The following SNX6 variants were observed in gnomAD, a reference collection of about 807,000 sequenced individuals.
SNX6 encodes sorting nexin 6.
SNX6 carries 34 observed loss-of-function variants against 63.0 expected under a neutral mutation model. That is an observed-to-expected ratio of 0.54 (90% CI 0.41 to 0.72). The LOEUF (loss-of-function observed/expected upper bound fraction) is 0.72, where lower values mean the gene tolerates loss of function less well. SNX6 is among the 30% of genes least tolerant of loss of function. The pLI, the probability that SNX6 is intolerant of heterozygous loss-of-function variation, is 0.00. For synonymous variants in SNX6, 170 were observed against 164.2 expected, an observed-to-expected ratio of 1.04 and a Z score of -0.27; for missense variants, 398 against 471.4, an observed-to-expected ratio of 0.84 and a Z score of 1.44.
chr14:34,608,334 T>C (rs1207391060), intron 3 of SNX6, among the ~76,000 whole-genome samples, 194 bp from the exon 4 acceptor site: 1 of 152,012 alleles, frequency 6.6e-6, no homozygotes, highest in Non-Finnish European at 1.5e-5. Context: ...CCTGGCTAAT[T>C]TTATTTTTTG....
chr14:34,608,266 C>T lies in SNX6; in HGVS notation c.160-126G>A, dbSNP rs1883096872. 16 of 514,920 alleles carry T rather than the reference C, an allele frequency of 3.1e-5. No homozygotes were observed. In the East Asian group the frequency reaches 5.3e-4, roughly 17 times the overall value. 31.9% of individuals were successfully genotyped at this position (514,920 alleles called of 1,614,324 possible). On this transcript the variant is annotated intron_variant, in intron 3 of 13. Coordinates refer to ENST00000362031, the MANE Select transcript of SNX6 (RefSeq NM_152233.4). ...AATCTCGGCTCACTGCAGCCTCAAC[C>T]TCCCAGGCTCAAGCAATCCTCCCAC...
At chr14:34,576,853 G>C (rs1256745769) in intron 10 of SNX6, among the ~76,000 whole-genome samples, 1 of 151,564 alleles carries the variant, frequency 6.6e-6, no homozygotes, top group Non-Finnish European at 1.5e-5. Flanking sequence ...GGAGGCCGAG[G>C]CGGGCGGATC....
chr14:34,601,112 G>A (rs935250670), intron 6 of SNX6, among the ~76,000 whole-genome samples: 2 of 151,896 alleles, frequency 1.3e-5, no homozygotes, highest in African/African-American at 2.4e-5. Flanking sequence ...TAATTTACCC[G>A]AATCTGGAAT....
At chr14:34,596,414 T>G (rs1056569360) in intron 7 of SNX6, among the ~76,000 whole-genome samples, 13 of 150,754 alleles carry the variant, frequency 8.6e-5, no homozygotes, top group African/African-American at 2.7e-4. Context: ...AGGTCAAGAG[T>G]TCGAGACCAG....
intron 2 of SNX6, among the ~76,000 whole-genome samples, chr14:34,619,917 G>GC (rs1157937744): frequency 6.6e-6 from 1 of 152,008 alleles, no homozygotes; most frequent in Non-Finnish European, 1.5e-5. Flanking sequence ...TCACTATGCT[G>GC]CCCAAGCTAG....
chr14:34,599,666 C>T (rs903398494), intron 6 of SNX6, among the ~76,000 whole-genome samples: 7 of 149,604 alleles, frequency 4.7e-5, no homozygotes, highest in African/African-American at 1.5e-4. Context: ...CCCAGCTACT[C>T]GGGAGGCTGA....
intron 13 of SNX6, among the ~76,000 whole-genome samples, chr14:34,563,984 C>T (rs1009313905): frequency 6.6e-6 from 1 of 152,072 alleles, no homozygotes; most frequent in African/African-American, 2.4e-5. Flanking sequence ...GGTGATCCGC[C>T]TACCTCAGCC....
chr14:34,578,621 T>A (rs1289430226), intron 10 of SNX6, among the ~76,000 whole-genome samples: 4 of 117,352 alleles, frequency 3.4e-5, no homozygotes, highest in African/African-American at 1.3e-4. Context: ...CAGAGTGAGA[T>A]CTGTCTCAAA....
At chr14:34,569,430 T>G (rs146044166) in intron 11 of SNX6, among the ~76,000 whole-genome samples, 2,547 of 152,096 alleles carry the variant, frequency 0.017, 39 homozygotes, top group Non-Finnish European at 0.023. Context: ...TGTTTTTTTT[T>G]TTTGTTTTTT....
intron 13 of SNX6, among the ~76,000 whole-genome samples, chr14:34,566,539 A>C (rs117190631): frequency 1.0e-3 from 153 of 152,356 alleles, no homozygotes; most frequent in Admixed American, 2.5e-3. Flanking sequence ...TTTATTAAGA[A>C]AGACTTTTTA....
At chr14:34,596,089 G>A (rs920718458) in intron 7 of SNX6, among the ~76,000 whole-genome samples, 2 of 151,724 alleles carry the variant, frequency 1.3e-5, no homozygotes, top group African/African-American at 4.8e-5. Flanking sequence ...GCGTGATGGC[G>A]GGCACCTGTA....
At chr14:34,606,806 G>C (rs1482872083) in intron 4 of SNX6, among the ~76,000 whole-genome samples, 3 of 151,586 alleles carry the variant, frequency 2.0e-5, no homozygotes, top group African/African-American at 7.3e-5. Flanking sequence ...TGAGATGGAG[G>C]CTCGCTCTGT....
intron 1 of SNX6, 36 bp from the exon 2 acceptor site, chr14:34,629,990 G>T: frequency 6.5e-7 from 1 of 1,527,240 alleles, no homozygotes; most frequent in East Asian, 2.5e-5. Flanking sequence ...CCGGGGAAAA[G>T]GATGAGATGG....
chr14:34,593,574 CT>C (rs397852358), intron 7 of SNX6, among the ~76,000 whole-genome samples: 3,404 of 131,626 alleles, frequency 0.026, 46 homozygotes, highest in Middle Eastern at 0.058. Context: ...AATTTCTTTT[CT>C]TTTTTTTTTT....
intron 2 of SNX6, among the ~76,000 whole-genome samples, chr14:34,616,475 T>C (rs1317151022): frequency 6.6e-6 from 1 of 152,094 alleles, no homozygotes; most frequent in Non-Finnish European, 1.5e-5. Context: ...GATCAAGCGA[T>C]CATTCCATCT....
chr14:34,566,893 G>C (rs1293155171), intron 13 of SNX6, among the ~76,000 whole-genome samples: 1 of 151,150 alleles, frequency 6.6e-6, no homozygotes, highest in East Asian at 2.0e-4. Flanking sequence ...AACACAGCAA[G>C]ACTCCAGCTC....
intron 10 of SNX6, among the ~76,000 whole-genome samples, chr14:34,580,455 C>A (rs1881890877): frequency 6.6e-6 from 1 of 151,184 alleles, no homozygotes; most frequent in African/African-American, 2.4e-5. Flanking sequence ...TTGTGCGCCA[C>A]CACGCCTGGC....
chr14:34,577,996 G>T (rs1881777354), intron 10 of SNX6, among the ~76,000 whole-genome samples: 1 of 152,134 alleles, frequency 6.6e-6, no homozygotes, highest in South Asian at 2.1e-4. Flanking sequence ...TTGAGGTCAG[G>T]AGTTCGAGAC....
At position 34,620,887 on chromosome 14, in the gene SNX6, A is replaced by G. The variant is rs184929740; in HGVS notation, c.54+9020T>C. Among the ~76,000 whole-genome samples, 325 of 152,282 alleles carry G rather than the reference A, an allele frequency of 2.1e-3. 3 individuals are homozygous for G. Among genetic ancestry groups the G allele is most frequent in the East Asian group, 2.7e-3 (14 of 5,178 alleles). ...AATCCGGGAGGGAGAAGTTGCAGTG[A>G]ATTGAGATGGTGCCACTGCACTCCA... On this transcript the variant is annotated intron_variant, in intron 2 of 13. Coordinates refer to ENST00000362031, the MANE Select transcript of SNX6 (RefSeq NM_152233.4).
Sources: allele counts gnomAD v4.1 joint callset (sites outside exome capture counted in the v4.1 genomes callset), GRCh38; gene constraint gnomAD v4.1.1; transcripts MANE v1.5; gene names NCBI Gene and HGNC (gene_info 2026-07-23, HGNC 2026-07-21).